Variants in RGS7 observed in about 807,000 individuals in gnomAD.
The protein encoded by RGS7 is regulator of G-protein signaling 7.
A neutral mutation model predicts 81.1 loss-of-function variants in RGS7; 27 were observed. The ratio of observed to expected loss-of-function variants is 0.33; its 90% confidence interval spans 0.25 to 0.46. The LOEUF (loss-of-function observed/expected upper bound fraction) is 0.46. Ranked by LOEUF, RGS7 falls within the 20% of genes least tolerant of loss-of-function variation. The pLI, the probability that RGS7 is intolerant of heterozygous loss-of-function variation, is 1.00. For missense variants in RGS7, 396 were observed against 607.4 expected (o/e 0.65, Z 3.66); for synonymous variants, 208 against 207.7 (o/e 1.00, Z -0.01).
intron 2 of RGS7, among the ~76,000 whole-genome samples, chr1:241,146,545 A>G (rs749521133): frequency 3.9e-5 from 6 of 152,232 alleles, no homozygotes; most frequent in Non-Finnish European, 7.3e-5. Context: ...AGAAGAAACA[A>G]TGGAAAAACC....
intron 2 of RGS7, chr1:241,186,526 T>TATAA (rs1429138890): frequency 3.7e-6 from 1 of 272,536 alleles, no homozygotes; most frequent in Non-Finnish European, 5.2e-6. Context: ...TATATATATT[T>TATAA]TTTTTTTTTT....
At chr1:241,004,662 T>C (rs7526551) in intron 3 of RGS7, among the ~76,000 whole-genome samples, 2,386 of 152,188 alleles carry the variant, frequency 0.016, 64 homozygotes, top group African/African-American at 0.054. Flanking sequence ...AAGGGAATGA[T>C]CTAATGCTAC....
At chr1:241,189,083 T>C (rs1480134581) in intron 2 of RGS7, among the ~76,000 whole-genome samples, 1 of 152,130 alleles carries the variant, frequency 6.6e-6, no homozygotes, top group Admixed American at 6.6e-5. Context: ...CAAGCGATCC[T>C]CCCACCTCAG....
At chr1:241,223,628 G>A (rs993534491) in intron 2 of RGS7, among the ~76,000 whole-genome samples, 6 of 151,672 alleles carry the variant, frequency 4.0e-5, no homozygotes, top group Non-Finnish European at 7.4e-5. Flanking sequence ...TTCAAATATT[G>A]TAAAGTTTGT....
intron 3 of RGS7, among the ~76,000 whole-genome samples, chr1:241,098,391 T>G (rs1447370356): frequency 1.3e-5 from 2 of 152,254 alleles, no homozygotes; most frequent in Non-Finnish European, 2.9e-5. Flanking sequence ...CATAACATTG[T>G]TTTTTATACG....
At chr1:241,296,425 T>A (rs1173904768) in intron 2 of RGS7, among the ~76,000 whole-genome samples, 1 of 152,200 alleles carries the variant, frequency 6.6e-6, no homozygotes, top group East Asian at 1.9e-4. Context: ...CTGGAAATAG[T>A]GATTAGGCGC....
chr1:240,783,851 C>G (rs996920907), intron 18 of RGS7, among the ~76,000 whole-genome samples: 7 of 151,788 alleles, frequency 4.6e-5, no homozygotes, highest in Admixed American at 3.3e-4. Flanking sequence ...GCTTTAGTTA[C>G]TAAGCCCACT....
chr1:241,220,981 G>GA (rs879590795), intron 2 of RGS7, among the ~76,000 whole-genome samples: 6,327 of 54,112 alleles, frequency 0.12, 452 homozygotes, highest in Non-Finnish European at 0.15. Flanking sequence ...AAGGAAGGAA[G>GA]GAAGGAAGGA....
At chr1:240,807,447 C>A (rs1689058055) in intron 14 of RGS7, among the ~76,000 whole-genome samples, 1 of 152,064 alleles carries the variant, frequency 6.6e-6, no homozygotes. Context: ...TTAAGAGAGG[C>A]ACAGGTGATC....
intron 2 of RGS7, among the ~76,000 whole-genome samples, chr1:241,117,858 C>T (rs1006237755): frequency 5.3e-5 from 8 of 152,080 alleles, no homozygotes; most frequent in Non-Finnish European, 1.0e-4. Flanking sequence ...GGACAATAGC[C>T]GGTAATGCAG....
At chr1:241,123,360 G>C (rs2066419999) in intron 2 of RGS7, among the ~76,000 whole-genome samples, 1 of 152,208 alleles carries the variant, frequency 6.6e-6, no homozygotes. Context: ...GGGTGAAGCA[G>C]AGACAATGCC....
At chr1:241,241,644 A>C (rs1406265848) in intron 2 of RGS7, among the ~76,000 whole-genome samples, 1 of 152,004 alleles carries the variant, frequency 6.6e-6, no homozygotes, top group African/African-American at 2.4e-5. Context: ...TTGTGACCTC[A>C]AAGTATTCTC....
At chr1:241,159,974 A>T (rs529138340) in intron 2 of RGS7, among the ~76,000 whole-genome samples, 14 of 152,014 alleles carry the variant, frequency 9.2e-5, no homozygotes, top group South Asian at 4.2e-4. Context: ...TCTGCTTTAG[A>T]TAATATGGAC....
At chr1:241,028,246 G>C (rs538665511) in intron 3 of RGS7, among the ~76,000 whole-genome samples, 7 of 152,328 alleles carry the variant, frequency 4.6e-5, no homozygotes, top group Admixed American at 2.6e-4. Context: ...CCGATGGATA[G>C]AGTTTTGAAT....
chr1:241,210,152 T>C (rs938621733), intron 2 of RGS7, among the ~76,000 whole-genome samples: 2 of 151,872 alleles, frequency 1.3e-5, no homozygotes, highest in Non-Finnish European at 2.9e-5. Flanking sequence ...CATATATATA[T>C]ATATTTTTTC....
intron 3 of RGS7, among the ~76,000 whole-genome samples, chr1:241,024,022 G>A (rs2059671045): frequency 6.6e-6 from 1 of 152,094 alleles, no homozygotes; most frequent in Admixed American, 6.6e-5. Context: ...AAAATTGTTG[G>A]GATTACAGGC....
At chr1:240,901,752 G>C (rs1670049812) in intron 6 of RGS7, among the ~76,000 whole-genome samples, 1 of 152,178 alleles carries the variant, frequency 6.6e-6, no homozygotes, top group South Asian at 2.1e-4. Flanking sequence ...TCCAAGTCAT[G>C]TTCACTGTCA....
chr1:240,985,219 ATCT>A (rs1685479722), intron 3 of RGS7, among the ~76,000 whole-genome samples: 1 of 152,226 alleles, frequency 6.6e-6, no homozygotes, highest in African/African-American at 2.4e-5. Context: ...AGATACACAA[ATCT>A]TCCGCACAAG....
chr1:241,260,714 G>T (rs187428199), intron 2 of RGS7, among the ~76,000 whole-genome samples: 1 of 152,224 alleles, frequency 6.6e-6, no homozygotes, highest in East Asian at 1.9e-4. Flanking sequence ...TGAATGGCAA[G>T]AGCATATCAC....
Sources: gnomAD v4.1 joint callset for allele counts (sites outside exome capture counted in the v4.1 genomes callset) on GRCh38, gnomAD v4.1.1 for gene constraint, MANE v1.5 for transcripts, NCBI Gene and HGNC (gene_info 2026-07-23, HGNC 2026-07-21) for gene names.